GALNT14: variants seen among roughly 807,000 people sequenced by gnomAD.
GALNT14 encodes UDP-GalNAc:polypeptide N-acetylgalactosaminyltransferase 14.
In GALNT14, 60 loss-of-function variants were observed where a neutral mutation model predicts 77.5. That is an observed-to-expected ratio of 0.77 (90% CI 0.63 to 0.96). GALNT14 has a LOEUF of 0.96. Ranked by LOEUF, GALNT14 falls within the 40% of genes least tolerant of loss-of-function variation. The pLI is 0.00. For missense variants in GALNT14, 710 were observed against 731.0 expected, an observed-to-expected ratio of 0.97 and a Z score of 0.33; for synonymous variants, 280 against 281.7, an observed-to-expected ratio of 0.99 and a Z score of 0.06.
Position 31,124,824 on chromosome 2 carries a change from G to A in GALNT14, c.129+13134C>T, listed in dbSNP as rs1033738628. 2.6e-5 allele frequency among the ~76,000 whole-genome samples: 4 copies of A among 152,168 alleles called. No individual in the cohort carries two copies. In the East Asian group the frequency reaches 5.8e-4, roughly 22 times the overall value. On this transcript the variant is annotated intron_variant, in intron 1 of 14. Coordinates refer to ENST00000349752, the MANE Select transcript of GALNT14 (RefSeq NM_024572.4). ...GGGTGGTTGTGAGGAATGAATAACT[G>A]ATACAGATAAAGCACCCAGCATTTC...
chr2:31,116,993 C>G (rs888708294), intron 1 of GALNT14, among the ~76,000 whole-genome samples: 1 of 151,950 alleles, frequency 6.6e-6, no homozygotes, highest in African/African-American at 2.4e-5. Flanking sequence ...GCTGAGATCA[C>G]GCCATTGCAC....
intron 2 of GALNT14, among the ~76,000 whole-genome samples, chr2:30,988,758 A>G (rs763379365): frequency 1.3e-5 from 2 of 152,202 alleles, no homozygotes; most frequent in Non-Finnish European, 2.9e-5. Context: ...TCTTGCCGAG[A>G]CACAATCAGT....
chr2:31,062,833 T>A (rs1674690868), intron 1 of GALNT14, among the ~76,000 whole-genome samples: 1 of 152,210 alleles, frequency 6.6e-6, no homozygotes, highest in South Asian at 2.1e-4. Context: ...CTTTTTTTCA[T>A]TTGTTTGTTG....
chr2:31,042,332 A>G (rs917671472), intron 1 of GALNT14, among the ~76,000 whole-genome samples: 2 of 152,226 alleles, frequency 1.3e-5, no homozygotes, highest in African/African-American at 2.4e-5. Context: ...TGAATATGGA[A>G]TGAACTGGGA....
intron 1 of GALNT14, among the ~76,000 whole-genome samples, chr2:31,060,831 A>G (rs764551773): frequency 1.4e-4 from 21 of 152,142 alleles, no homozygotes; most frequent in Non-Finnish European, 2.2e-4. Context: ...TCATCTTGCC[A>G]GTGCTCCACC....
intron 9 of GALNT14, among the ~76,000 whole-genome samples, chr2:30,935,733 C>T (rs1353179466): frequency 6.6e-6 from 1 of 152,174 alleles, no homozygotes; most frequent in Non-Finnish European, 1.5e-5. Context: ...TGATGTGTAT[C>T]CTCTCAGGAT....
intron 1 of GALNT14, among the ~76,000 whole-genome samples, chr2:31,084,212 G>C (rs1343682399): frequency 6.6e-6 from 1 of 152,186 alleles, no homozygotes; most frequent in East Asian, 1.9e-4. Context: ...CCATTTTATT[G>C]ATAAGGAAAC....
At chr2:31,087,785 G>T (rs1209050590) in intron 1 of GALNT14, among the ~76,000 whole-genome samples, 1 of 152,188 alleles carries the variant, frequency 6.6e-6, no homozygotes, top group Non-Finnish European at 1.5e-5. Context: ...TAGACTGAAG[G>T]TTTGTGTCCC....
At chr2:30,953,601 C>T (rs1301350992) in intron 6 of GALNT14, among the ~76,000 whole-genome samples, 2 of 152,208 alleles carry the variant, frequency 1.3e-5, no homozygotes, top group African/African-American at 2.4e-5. Flanking sequence ...CGCCACCGCA[C>T]CCAGCCAAAT....
intron 1 of GALNT14, among the ~76,000 whole-genome samples, chr2:31,119,145 C>A (rs1438271995): frequency 1.3e-5 from 2 of 152,034 alleles, no homozygotes; most frequent in Admixed American, 1.3e-4. Flanking sequence ...ATTCTATGTA[C>A]AATCTAGGAC....
At chr2:31,027,940 T>C (rs1026818562) in intron 1 of GALNT14, among the ~76,000 whole-genome samples, 1 of 111,456 alleles carries the variant, frequency 9.0e-6, no homozygotes, top group Non-Finnish European at 1.9e-5. Context: ...GCGCACATGC[T>C]TGGGGTAGGG....
chr2:30,917,726 G>C (rs1416849842), intron 13 of GALNT14, among the ~76,000 whole-genome samples: 2 of 152,238 alleles, frequency 1.3e-5, no homozygotes, highest in Non-Finnish European at 2.9e-5. Context: ...GGAAACTGAG[G>C]ATCAAAGGGG....
chr2:31,018,694 C>T (rs1414599453), intron 1 of GALNT14, among the ~76,000 whole-genome samples: 1 of 152,086 alleles, frequency 6.6e-6, no homozygotes, highest in African/African-American at 2.4e-5. Context: ...CAAATGACAT[C>T]TGGAAAAGTG....
chr2:30,919,983 C>T (rs1664934238), intron 13 of GALNT14, among the ~76,000 whole-genome samples: 1 of 152,118 alleles, frequency 6.6e-6, no homozygotes, highest in Non-Finnish European at 1.5e-5. Flanking sequence ...AAAGATTGTC[C>T]TTTGAAACTG....
chr2:30,908,153 G>T (rs1355899393), downstream of GALNT14, among the ~76,000 whole-genome samples: 2 of 143,636 alleles, frequency 1.4e-5, no homozygotes, highest in African/African-American at 2.6e-5. Context: ...ACTGGCACAA[G>T]ACAGGGATGC....
At chr2:30,904,357 T>C in the GALNT14 span, among the ~76,000 whole-genome samples, 56,068 of 152,030 alleles carry the variant, frequency 0.37, 10,722 homozygotes, top group African/African-American at 0.48. Flanking sequence ...CTGCGTGCAC[T>C]GTGTGCGAGC....
chr2:31,052,298 C>T lies in GALNT14; in HGVS notation c.130-59291G>A, dbSNP rs192979467. 1.4e-3 allele frequency among the ~76,000 whole-genome samples: 218 copies of T among 152,226 alleles called. 4 individuals are homozygous for T. Among genetic ancestry groups the T allele is most frequent in the African/African-American group, 4.6e-3 (192 of 41,544 alleles). ...GTACTTCTGTGAGCCTTGGTGTCCC[C>T]GCTCTACAAAGCACAGAACCTTCAC... On this transcript the variant is annotated intron_variant, in intron 1 of 14. Transcript: ENST00000349752.
chr2:30,888,096 T>A, the GALNT14 span, among the ~76,000 whole-genome samples: 6 of 152,200 alleles, frequency 3.9e-5, no homozygotes, highest in African/African-American at 1.2e-4. Flanking sequence ...TGCTACTTAA[T>A]TGGATTGGAC....
At chr2:31,128,637 C>T (rs1250745834) in intron 1 of GALNT14, among the ~76,000 whole-genome samples, 1 of 152,140 alleles carries the variant, frequency 6.6e-6, no homozygotes, top group African/African-American at 2.4e-5. Context: ...CCCTGCAGGC[C>T]CAGGAGGGAG....
Sources: gnomAD v4.1 joint callset for allele counts (sites outside exome capture counted in the v4.1 genomes callset) on GRCh38, gnomAD v4.1.1 for gene constraint, MANE v1.5 for transcripts, NCBI Gene and HGNC (gene_info 2026-07-23, HGNC 2026-07-21) for gene names.